MARCHF11: variants seen among roughly 807,000 people sequenced by gnomAD.
MARCHF11 encodes the protein membrane associated ring-CH-type finger 11.
MARCHF11 carries 29 observed loss-of-function variants against 37.3 expected under a neutral mutation model. The observed-to-expected ratio is 0.78, with a 90% CI of 0.58 to 1.06. The LOEUF (loss-of-function observed/expected upper bound fraction) is 1.06. Ranked by LOEUF, MARCHF11 falls within the 50% of genes least tolerant of loss-of-function variation. The probability of loss-of-function intolerance (pLI) is 0.00; values close to 1 mark genes in which losing one functional copy is unlikely to be tolerated. For missense variants in MARCHF11, 482 were observed against 533.4 expected (o/e 0.90, Z 0.95); for synonymous variants, 233 against 228.0 (o/e 1.02, Z -0.20).
chr5:16,077,345 A>G (rs1736538612), intron 3 of MARCHF11, among the ~76,000 whole-genome samples: 1 of 151,614 alleles, frequency 6.6e-6, no homozygotes, highest in South Asian at 2.1e-4. Context: ...TAAACTGTCT[A>G]CTGCAAACTC....
chr5:16,085,044 G>C (rs562502055), intron 3 of MARCHF11, among the ~76,000 whole-genome samples: 90 of 151,980 alleles, frequency 5.9e-4, no homozygotes, highest in African/African-American at 2.1e-3. Context: ...CCATGCTTGT[G>C]CTTTGAGAAA....
chr5:16,083,246 C>A (rs1411723289), intron 3 of MARCHF11, among the ~76,000 whole-genome samples: 2 of 152,144 alleles, frequency 1.3e-5, no homozygotes, highest in Admixed American at 6.5e-5. Context: ...TCAGACCACA[C>A]TGGATTCTGG....
At chr5:16,111,097 A>T (rs532661761) in intron 2 of MARCHF11, among the ~76,000 whole-genome samples, 7 of 152,300 alleles carry the variant, frequency 4.6e-5, no homozygotes, top group Admixed American at 1.3e-4. Flanking sequence ...TTCTTTATAA[A>T]TTACCCATCT....
At position 16,149,989 on chromosome 5, in the gene MARCHF11, G is replaced by A. The variant is rs549684508; in HGVS notation, c.693+27737C>T. 3.6e-5 allele frequency among the ~76,000 whole-genome samples: 5 copies of A among 137,434 alleles called. No homozygotes were observed. The East Asian group carries it at 7.9e-4, about 22-fold the overall frequency. The allele number at this position is 137,434 out of a possible 152,430, so 90.2% of individuals were successfully genotyped here. On this transcript the variant is annotated intron_variant, in intron 2 of 3. Transcript: ENST00000332432. The stretch of plus-strand genomic sequence containing the variant: ...TACAAAGTCCATAAACAGATAAAAC[G>A]AATCCATTTTGATAGGAGTTACCTT...
intron 2 of MARCHF11, among the ~76,000 whole-genome samples, chr5:16,104,094 A>G (rs995849926): frequency 6.6e-6 from 1 of 152,222 alleles, no homozygotes; most frequent in Admixed American, 6.5e-5. Context: ...TCAGAAAACC[A>G]GAGACTTCGT....
chr5:16,116,143 C>T (rs765311929), intron 2 of MARCHF11, among the ~76,000 whole-genome samples: 1 of 152,104 alleles, frequency 6.6e-6, no homozygotes, highest in Non-Finnish European at 1.5e-5. Context: ...TTTTTGTTTA[C>T]CAAATCACCA....
intron 2 of MARCHF11, among the ~76,000 whole-genome samples, chr5:16,096,896 T>C (rs1736877428): frequency 6.6e-6 from 1 of 152,208 alleles, no homozygotes; most frequent in African/African-American, 2.4e-5. Flanking sequence ...AAATAGCACA[T>C]GCGCAGAGGG....
intron 2 of MARCHF11, among the ~76,000 whole-genome samples, chr5:16,176,361 T>C (rs1738363218): frequency 6.6e-6 from 1 of 152,172 alleles, no homozygotes; most frequent in Non-Finnish European, 1.5e-5. Context: ...CCAATTATAC[T>C]ACCTATATGC....
chr5:16,171,573 C>T (rs1228684475), intron 2 of MARCHF11, among the ~76,000 whole-genome samples: 2 of 152,110 alleles, frequency 1.3e-5, no homozygotes, highest in African/African-American at 4.8e-5. Context: ...ATTCAAATTT[C>T]AGTCGCTATA....
Position 16,094,814 on chromosome 5 carries a change from A to G in MARCHF11, c.694-3733T>C, listed in dbSNP as rs886344902. 5.3e-5 allele frequency among the ~76,000 whole-genome samples: 8 copies of G among 152,204 alleles called. No individual in the cohort carries two copies. In the East Asian group the frequency reaches 1.5e-3, roughly 29 times the overall value. On this transcript the variant is annotated intron_variant, in intron 2 of 3. Coordinates refer to ENST00000332432, the MANE Select transcript of MARCHF11 (RefSeq NM_001102562.3). Reference sequence around the variant, plus strand: ...GTAATTTAGTAATTTACTAAATTTAATAATTTAATAATTATAGCTTCTATT... The same window carrying G: ...GTAATTTAGTAATTTACTAAATTTAGTAATTTAATAATTATAGCTTCTATT...
chr5:16,073,208 C>G (rs1736466068), intron 3 of MARCHF11, among the ~76,000 whole-genome samples: 1 of 152,164 alleles, frequency 6.6e-6, no homozygotes, highest in South Asian at 2.1e-4. Flanking sequence ...CCACTTTTGA[C>G]TCCTTAATTT....
chr5:16,131,962 G>A (rs530372723), intron 2 of MARCHF11, among the ~76,000 whole-genome samples: 10 of 152,282 alleles, frequency 6.6e-5, no homozygotes, highest in Middle Eastern at 3.4e-3. Context: ...TAGAAAGAAC[G>A]AAAAAGGAAA....
intron 2 of MARCHF11, among the ~76,000 whole-genome samples, chr5:16,117,917 C>T (rs1031554279): frequency 1.3e-5 from 2 of 152,254 alleles, no homozygotes; most frequent in South Asian, 2.1e-4. Flanking sequence ...AAAGGGAGTA[C>T]GCATGCTACT....
intron 2 of MARCHF11, among the ~76,000 whole-genome samples, chr5:16,105,106 C>T (rs966119832): frequency 5.3e-5 from 8 of 152,266 alleles, no homozygotes; most frequent in Non-Finnish European, 1.2e-4. Context: ...AGAATAATCA[C>T]CAGTGTGTCT....
At chr5:16,131,521 A>T (rs1218357504) in intron 2 of MARCHF11, among the ~76,000 whole-genome samples, 1 of 152,244 alleles carries the variant, frequency 6.6e-6, no homozygotes, top group African/African-American at 2.4e-5. Context: ...TAATGTTATC[A>T]GCAAAGCAAT....
chr5:16,145,348 G>A (rs1388357225), intron 2 of MARCHF11, among the ~76,000 whole-genome samples: 1 of 152,124 alleles, frequency 6.6e-6, no homozygotes, highest in Non-Finnish European at 1.5e-5. Context: ...GCATTCAGGA[G>A]GGGAGTTGCT....
chr5:16,137,219 G>A (rs926016201), intron 2 of MARCHF11, among the ~76,000 whole-genome samples: 1 of 152,152 alleles, frequency 6.6e-6, no homozygotes. Flanking sequence ...ATCTTGAACT[G>A]TAGCTCCCAT....
chr5:16,177,944 C>A lies in MARCHF11; in HGVS notation c.538-63G>T, dbSNP rs2126613905. The A allele has an allele frequency of 3.4e-6, 5 of 1,466,534 alleles. No homozygotes were observed. The East Asian group carries it at 7.2e-5, about 21-fold the overall frequency. The allele number at this position is 1,466,534 out of a possible 1,614,324, so 90.8% of individuals were successfully genotyped here. On this transcript the variant is annotated intron_variant, in intron 1 of 3. Transcript: ENST00000332432. The stretch of plus-strand genomic sequence containing the variant: ...GTGTCTCTATTTTAAAAACCTAATG[C>A]TTCCTTTCTTTTCTTTCAAAGCCAT...
rs1025899671 is a variant in MARCHF11, at chr5:16,179,467, C to G, written c.109G>C (p.Gly37Arg). The G allele has an allele frequency of 3.9e-5, 44 of 1,128,604 alleles. 1 individual carries two copies. The Admixed American group carries it at 1.7e-3, about 44-fold the overall frequency. 69.9% of individuals were successfully genotyped at this position (1,128,604 alleles called of 1,614,324 possible). ...PPPPPPTPPP[G>R]EPAPVPAAPR... ...GCCGCGGGGACCGGGGCCGGCTCTC[C>G]CGGCGGCGGCGTCGGCGGCGGCGGC... The change falls in exon 1 of 4, where the codon GGA becomes CGA. Residue 37 changes from glycine (G) to arginine (R), a missense_variant. Coordinates refer to ENST00000332432, the MANE Select transcript of MARCHF11 (RefSeq NM_001102562.3).
Sources: allele counts gnomAD v4.1 joint callset (sites outside exome capture counted in the v4.1 genomes callset), GRCh38; gene constraint gnomAD v4.1.1; transcripts MANE v1.5; gene names NCBI Gene and HGNC (gene_info 2026-07-23, HGNC 2026-07-21).